The following OR9A4 variants were observed in gnomAD, a reference collection of about 807,000 sequenced individuals.
OR9A4 encodes the protein olfactory receptor 9A4.
OR9A4 carries 16 observed loss-of-function variants against 17.1 expected under a neutral mutation model. The ratio of observed to expected loss-of-function variants is 0.94; its 90% CI spans 0.64 to 1.43. The LOEUF (loss-of-function observed/expected upper bound fraction) is 1.43. OR9A4 is among the 40% of genes most tolerant of loss of function. The pLI, the probability that OR9A4 is intolerant of heterozygous loss-of-function variation, is 0.00. For missense variants in OR9A4, 392 were observed against 382.1 expected, an observed-to-expected ratio of 1.03 and a Z score of -0.22; for synonymous variants, 167 against 143.3, an observed-to-expected ratio of 1.17 and a Z score of -1.18.
Position 141,920,090 on chromosome 7 carries a change from T to C in OR9A4, c.*270T>C. Reference sequence around the variant, plus strand: ...AGATATGATGATTTCACAATTAAACTTTGAAAAATTAAATGTCAGAGATAG... The same window carrying C: ...AGATATGATGATTTCACAATTAAACCTTGAAAAATTAAATGTCAGAGATAG... On this transcript the variant is annotated 3_prime_UTR_variant, in exon 2 of 2. Coordinates refer to ENST00000641559, the MANE Select transcript of OR9A4 (RefSeq NM_001001656.3). The C allele has an allele frequency of 3.0e-6, 1 of 334,872 alleles. No individual in the cohort carries two copies. Among genetic ancestry groups the C allele is most frequent in the Non-Finnish European group, 5.5e-6 (1 of 182,818 alleles). 20.7% of individuals were successfully genotyped at this position (334,872 alleles called of 1,614,324 possible).
rs556697772 is a variant in OR9A4 at position 141,919,663 on chromosome 7, A to T, written c.788A>T (p.Lys263Met). The T allele has an allele frequency of 4.2e-5, 67 of 1,614,156 alleles. No homozygotes were observed. The South Asian group carries it at 5.7e-4, about 14-fold the overall frequency. Residue 263 changes from lysine (K) to methionine (M), a missense_variant, in exon 2 of 2, where the codon AAG (lysine) becomes ATG (methionine). Transcript: ENST00000641559. ...GSCLFLYVKP[K>M]QTQAADYNWV... ...TGCTTGTTTCTCTACGTGAAACCCA[A>T]GCAAACGCAGGCAGCTGATTACAAT...
intron 1 of OR9A4, among the ~76,000 whole-genome samples, chr7:141,918,498 T>C (rs573375728): frequency 3.3e-5 from 5 of 152,266 alleles, no homozygotes; most frequent in Non-Finnish European, 7.4e-5. Flanking sequence ...CCCAAGATGA[T>C]AGAGGTGCTG....
At position 141,920,614 on chromosome 7, in the gene OR9A4, C is replaced by T. The variant is rs1257827090; in HGVS notation, c.*794C>T. 2 of 147,018 alleles carry T rather than the reference C, an allele frequency of 1.4e-5. No homozygotes were observed. Among genetic ancestry groups the T allele is most frequent in the African/African-American group, 5.0e-5 (2 of 40,150 alleles). 9.1% of individuals were successfully genotyped at this position (147,018 alleles called of 1,614,324 possible). ...TGCAGACCATGTAGAGCCTTGTGAG[C>T]CTTTTTTTTTTTCCAGGTATGCAAA... On this transcript the variant is annotated 3_prime_UTR_variant, in exon 2 of 2. Coordinates refer to ENST00000641559, the MANE Select transcript of OR9A4 (RefSeq NM_001001656.3).
In OR9A4 at chr7:141,919,562, G is replaced by C; in HGVS notation, c.687G>C (p.Pro229=). 6.2e-7 allele frequency: 1 copy of C among 1,613,986 alleles called. No individual in the cohort carries two copies. Among genetic ancestry groups the C allele is most frequent in the Non-Finnish European group, 8.5e-7 (1 of 1,180,018 alleles). The part of the protein sequence containing the change: ...AYIISTILKI[P]SSSGRRKSFS... ...TCATCTCCACCATTCTCAAGATCCC[G>C]TCATCCTCTGGCCGGAGGAAATCCT... The change falls in exon 2 of 2, where the codon CCG becomes CCC. Residue 229 remains proline (P), a synonymous_variant. Coordinates refer to ENST00000641559, the MANE Select transcript of OR9A4 (RefSeq NM_001001656.3).
chr7:141,916,876 C>T (rs1802193573), intron 1 of OR9A4, among the ~76,000 whole-genome samples: 1 of 152,294 alleles, frequency 6.6e-6, no homozygotes, highest in South Asian at 2.1e-4. Flanking sequence ...CTACCCAAGT[C>T]CCTGCTCTCT....
Position 141,919,761 on chromosome 7 carries a change from A to C in OR9A4, c.886A>C (p.Lys296Gln), listed in dbSNP as rs1802251987. 1 of 1,614,058 alleles carries C rather than the reference A, an allele frequency of 6.2e-7. No homozygotes were observed. The highest frequency in any genetic ancestry group is 8.5e-7 in the Non-Finnish European group (1 of 1,180,036). The change falls in exon 2 of 2, where the codon AAA (lysine) becomes CAA (glutamine). Residue 296 changes from lysine to glutamine, a missense_variant. Physicochemically the swap from Lys to Gln is moderately conservative, Grantham distance 53. Transcript: ENST00000641559. ...TTTCATCTTCACCCTCCGGAATGAT[A>C]AAGTCATAGAGGCCCTTCGGGATGG... ...NPFIFTLRND[K>Q]VIEALRDGVK...
intron 1 of OR9A4, among the ~76,000 whole-genome samples, chr7:141,917,146 G>A (rs1456018268): frequency 2.6e-5 from 4 of 152,282 alleles, no homozygotes; most frequent in East Asian, 3.9e-4. Context: ...TGAAGTGAAC[G>A]AGAAAGAGAA....
rs782063236 is a variant in OR9A4, at chr7:141,919,011, A to G, written c.136A>G (p.Met46Val). 6.2e-7 allele frequency: 1 copy of G among 1,614,134 alleles called. No homozygotes were observed. The highest frequency in any genetic ancestry group is 8.5e-7 in the Non-Finnish European group (1 of 1,180,012). ...ATTAATGGGAAACACAGTCATCATC[A>G]TGATTGTCTGTGTGGATAAACGTCT... Reference protein sequence around the residue: ...VTLMGNTVIIMIVCVDKRLQS... With the variant: ...VTLMGNTVIIVIVCVDKRLQS... The change falls in exon 2 of 2, where the codon ATG (methionine) becomes GTG (valine). Residue 46 changes from methionine to valine, a missense_variant. By Grantham distance (21) the Met-to-Val change is conservative (BLOSUM62 1). Coordinates refer to ENST00000641559, the MANE Select transcript of OR9A4 (RefSeq NM_001001656.3).
rs782737624 is a variant in OR9A4 at position 141,919,578 on chromosome 7, A to G, written c.703A>G (p.Arg235Gly). 31 of 1,613,996 alleles carry G rather than the reference A, an allele frequency of 1.9e-5. 1 individual carries two copies. The South Asian group carries it at 3.2e-4, about 17-fold the overall frequency. ...ILKIPSSSGR[R>G]KSFSTCASHF... is the part of the protein sequence containing the mutation. ...CAAGATCCCGTCATCCTCTGGCCGG[A>G]GGAAATCCTTCTCCACTTGTGCCTC... is the stretch of plus-strand genomic sequence containing the variant. Residue 235 changes from arginine (R) to glycine (G), a missense_variant, in exon 2 of 2, where the codon AGG (arginine) becomes GGG (glycine). Coordinates refer to ENST00000641559, the MANE Select transcript of OR9A4 (RefSeq NM_001001656.3).
Position 141,919,063 on chromosome 7 carries a change from G to T in OR9A4, c.188G>T (p.Gly63Val), listed in dbSNP as rs1802231945. ...RLQSPMYFFL[G>V]HLSALEILVT... ...CAGTCCCCCATGTATTTCTTCCTCG[G>T]CCACCTCTCTGCCCTGGAGATCCTG... is the stretch of plus-strand genomic sequence containing the variant. Residue 63 changes from glycine (G) to valine (V), a missense_variant, in exon 2 of 2, where the codon GGC becomes GTC. Transcript: ENST00000641559. 2 of 1,613,936 alleles carry T rather than the reference G, an allele frequency of 1.2e-6. No individual in the cohort carries two copies. Among genetic ancestry groups the T allele is most frequent in the African/African-American group, 1.3e-5 (1 of 74,870 alleles).
chr7:141,919,954 T>C lies in OR9A4; in HGVS notation c.*134T>C, dbSNP rs1802254688. On this transcript the variant is annotated 3_prime_UTR_variant, in exon 2 of 2. Coordinates refer to ENST00000641559, the MANE Select transcript of OR9A4 (RefSeq NM_001001656.3). Reference sequence around the variant, plus strand: ...ATGATTTGCATGCAACAAAATACTTTTAAGTTACAGCTACGGTTTTTAGTA... The same window carrying C: ...ATGATTTGCATGCAACAAAATACTTCTAAGTTACAGCTACGGTTTTTAGTA... 2 of 689,900 alleles carry C rather than the reference T, an allele frequency of 2.9e-6. No individual in the cohort carries two copies. The highest frequency in any genetic ancestry group is 2.7e-5 in the East Asian group (1 of 37,012). 42.7% of individuals were successfully genotyped at this position (689,900 alleles called of 1,614,324 possible). A position where few individuals can be genotyped will look rare whatever the true frequency, so the allele number is the denominator to read the frequency against.
chr7:141,919,457 C>A lies in OR9A4; in HGVS notation c.582C>A (p.Phe194Leu), dbSNP rs782173519. The change falls in exon 2 of 2, where the codon TTC (phenylalanine) becomes TTA (leucine). Residue 194 changes from phenylalanine to leucine, a missense_variant. Physicochemically the swap from Phe to Leu is conservative, Grantham distance 22. Coordinates refer to ENST00000641559, the MANE Select transcript of OR9A4 (RefSeq NM_001001656.3). ...AACTATCCTGCAATAATACTCTTTT[C>A]ACGGAGTTTATCCTCTTCTTAATGG... ...LLKLSCNNTL[F>L]TEFILFLMAV... The A allele has an allele frequency of 1.9e-6, 3 of 1,614,060 alleles. No homozygotes were observed. The highest frequency in any genetic ancestry group is 2.5e-6 in the Non-Finnish European group (3 of 1,180,036).
rs1802188227 is a variant in OR9A4, at chr7:141,916,436, A to T, written c.-231A>T. On this transcript the variant is annotated 5_prime_UTR_variant, in exon 1 of 2. Coordinates refer to ENST00000641559, the MANE Select transcript of OR9A4 (RefSeq NM_001001656.3). ...CAAAGAGAAGGAGAGAGATAGAGAC[A>T]GTTGGACTCTCTCCTCAGCACTCGT... The T allele has an allele frequency of 6.6e-6, 1 of 152,262 alleles. No individual in the cohort carries two copies. The highest frequency in any genetic ancestry group is 1.9e-4 in the East Asian group (1 of 5,192). 9.4% of individuals were successfully genotyped at this position (152,262 alleles called of 1,614,324 possible).
Position 141,919,402 on chromosome 7 carries a change from A to AT in OR9A4, c.535dup (p.Cys179LeufsTer2), listed in dbSNP as rs562194466. The AT allele has an allele frequency of 1.1e-4, 172 of 1,613,694 alleles. No individual in the cohort carries two copies. The highest frequency in any genetic ancestry group is 1.7e-4 in the Admixed American group (10 of 59,972). The stretch of plus-strand genomic sequence containing the variant: ...TACTGCAAATCAAATGTGGTGAACA[A>AT]TTTTTTTTGTGACCGAGGGCAATTG... On this transcript the variant is annotated frameshift_variant, in exon 2 of 2. Transcript: ENST00000641559. LOFTEE classifies it high-confidence loss of function.
rs1802263498 is a variant in OR9A4, at chr7:141,920,487, C to T, written c.*667C>T. The T allele has an allele frequency of 6.6e-6, 1 of 151,944 alleles. No individual in the cohort carries two copies. Among genetic ancestry groups the T allele is most frequent in the Admixed American group, 6.6e-5 (1 of 15,236 alleles). The allele number at this position is 151,944 out of a possible 1,614,324, so 9.4% of individuals were successfully genotyped here. On this transcript the variant is annotated 3_prime_UTR_variant, in exon 2 of 2. Transcript: ENST00000641559. ...GAAACTTGTTAAAGAACATTCCAGGCATAGTGAGTAATAAGTGAGAGATCC... is the reference window on the plus strand; with the variant it reads ...GAAACTTGTTAAAGAACATTCCAGGTATAGTGAGTAATAAGTGAGAGATCC...
chr7:141,917,689 A>T (rs1166802845), intron 1 of OR9A4, among the ~76,000 whole-genome samples: 3 of 152,034 alleles, frequency 2.0e-5, no homozygotes, highest in Non-Finnish European at 4.4e-5. Context: ...CTGTGTTGGG[A>T]GTTGAGAATT....
chr7:141,919,468 T>A lies in OR9A4; in HGVS notation c.593T>A (p.Ile198Asn). 1 of 1,614,154 alleles carries A rather than the reference T, an allele frequency of 6.2e-7. No homozygotes were observed. The highest frequency in any genetic ancestry group is 8.5e-7 in the Non-Finnish European group (1 of 1,180,014). Reference sequence around the variant, plus strand: ...AATAATACTCTTTTCACGGAGTTTATCCTCTTCTTAATGGCTGTTTTTGTT... The same window carrying A: ...AATAATACTCTTTTCACGGAGTTTAACCTCTTCTTAATGGCTGTTTTTGTT... ...SCNNTLFTEF[I>N]LFLMAVFVLF... is the part of the protein sequence containing the mutation. The change falls in exon 2 of 2, where the codon ATC becomes AAC. Residue 198 changes from isoleucine to asparagine, a missense_variant. Ile to Asn is a moderately radical substitution (Grantham distance 149, BLOSUM62 -3). Transcript: ENST00000641559.
intron 1 of OR9A4, 120 bp from the exon 2 acceptor site, chr7:141,918,726 G>C (rs1332917902): frequency 1.7e-6 from 1 of 606,056 alleles, no homozygotes; most frequent in Admixed American, 2.8e-5. Flanking sequence ...CATCAACATC[G>C]TGTAGAAAAT....
rs1352148392 is a variant in OR9A4 at position 141,920,400 on chromosome 7, G to A, written c.*580G>A. ...GAAAGGGAATATCTCTTGCAGGAGT[G>A]TTGAAATTTCAAATAAGGTTTTCAG... is the stretch of plus-strand genomic sequence containing the variant. On this transcript the variant is annotated 3_prime_UTR_variant, in exon 2 of 2. Coordinates refer to ENST00000641559, the MANE Select transcript of OR9A4 (RefSeq NM_001001656.3). The A allele has an allele frequency of 2.0e-5, 3 of 152,550 alleles. No individual in the cohort carries two copies. Among genetic ancestry groups the A allele is most frequent in the African/African-American group, 4.8e-5 (2 of 41,448 alleles). 9.4% of individuals were successfully genotyped at this position (152,550 alleles called of 1,614,324 possible).
Sources: allele counts gnomAD v4.1 joint callset (sites outside exome capture counted in the v4.1 genomes callset), GRCh38; gene constraint gnomAD v4.1.1; transcripts MANE v1.5; gene names NCBI Gene and HGNC (gene_info 2026-07-23, HGNC 2026-07-21).